The following PDE8A variants were observed in gnomAD, a reference collection of about 807,000 sequenced individuals.
The protein encoded by PDE8A is high affinity cAMP-specific and IBMX-insensitive 3',5'-cyclic phosphodiesterase 8A.
A neutral mutation model predicts 105.0 loss-of-function variants in PDE8A; 59 were observed. The ratio of observed to expected loss-of-function variants is 0.56; its 90% confidence interval spans 0.46 to 0.70. The LOEUF (loss-of-function observed/expected upper bound fraction) is 0.70. PDE8A is among the 30% of genes least tolerant of loss of function. The pLI, the probability that PDE8A is intolerant of heterozygous loss-of-function variation, is 0.00. For missense variants in PDE8A, 1,014 were observed against 1,045.9 expected (o/e 0.97, Z 0.42); for synonymous variants, 355 against 371.9 (o/e 0.95, Z 0.52).
At chr15:85,083,671 TCCAG>T in intron 6 of PDE8A, 27 bp downstream of exon 6, 2 of 1,450,628 alleles carry the variant, frequency 1.4e-6, no homozygotes, top group Non-Finnish European at 1.9e-6. Context: ...TGGAAAGCCC[TCCAG>T]GCCATACAGG....
chr15:85,010,994 T>A (rs577781703), intron 1 of PDE8A, among the ~76,000 whole-genome samples: 9 of 152,340 alleles, frequency 5.9e-5, no homozygotes, highest in South Asian at 4.1e-4. Flanking sequence ...AAATATGTCC[T>A]GGAAGTTAGT....
intron 1 of PDE8A, among the ~76,000 whole-genome samples, chr15:85,052,297 C>G (rs1310127667): frequency 6.6e-6 from 1 of 152,180 alleles, no homozygotes; most frequent in Non-Finnish European, 1.5e-5. Flanking sequence ...GTGCATGTGT[C>G]TTTATAGCAG....
At chr15:85,064,511 A>G (rs1476929719) in intron 2 of PDE8A, 85 bp downstream of exon 2, 3 of 841,194 alleles carry the variant, frequency 3.6e-6, no homozygotes, top group Non-Finnish European at 6.0e-6. Flanking sequence ...CATTTAAAAT[A>G]GTCTTTCATT....
chr15:84,998,967 T>G (rs1320176000), intron 1 of PDE8A, among the ~76,000 whole-genome samples: 1 of 152,118 alleles, frequency 6.6e-6, no homozygotes, highest in Admixed American at 6.5e-5. Context: ...GACACTAATC[T>G]CTAATGAGAT....
At chr15:84,999,551 T>TTTGTTG (rs3077007) in intron 1 of PDE8A, among the ~76,000 whole-genome samples, 13,511 of 150,892 alleles carry the variant, frequency 0.09, 1,617 homozygotes, top group African/African-American at 0.28. Flanking sequence ...GCCTCCCTTT[T>TTTGTTG]TTGTTGTTGT....
At chr15:84,991,150 A>G (rs918704434) in intron 1 of PDE8A, among the ~76,000 whole-genome samples, 4 of 152,244 alleles carry the variant, frequency 2.6e-5, no homozygotes, top group Admixed American at 1.3e-4. Context: ...CATAAAGGAA[A>G]TGGTTGATAA....
At chr15:85,031,635 C>T (rs971641665) in intron 1 of PDE8A, among the ~76,000 whole-genome samples, 21 of 152,078 alleles carry the variant, frequency 1.4e-4, no homozygotes, top group African/African-American at 5.1e-4. Context: ...GTGTGACTGA[C>T]AAGTAGATTA....
chr15:85,134,262 G>A (rs2082370910), intron 20 of PDE8A, among the ~76,000 whole-genome samples: 2 of 152,224 alleles, frequency 1.3e-5, no homozygotes, highest in South Asian at 2.1e-4. Context: ...CTGAGTGGCT[G>A]AGCTAACGGA....
At chr15:85,088,217 G>T (rs1027108886) in intron 6 of PDE8A, among the ~76,000 whole-genome samples, 1 of 152,120 alleles carries the variant, frequency 6.6e-6, no homozygotes, top group Non-Finnish European at 1.5e-5. Flanking sequence ...TAGAGACGGG[G>T]TTTCACCACG....
intron 2 of PDE8A, among the ~76,000 whole-genome samples, chr15:85,065,339 G>C (rs865779904): frequency 1.7e-5 from 2 of 116,500 alleles, no homozygotes; most frequent in Admixed American, 9.2e-5. Context: ...TGGTGGGGAG[G>C]GGGGAGGGGG....
chr15:84,994,461 T>C (rs1003523654), intron 1 of PDE8A, among the ~76,000 whole-genome samples: 6 of 152,254 alleles, frequency 3.9e-5, no homozygotes, highest in Non-Finnish European at 7.3e-5. Flanking sequence ...TCCAGAAGGC[T>C]GCCTTGTGGC....
intron 12 of PDE8A, among the ~76,000 whole-genome samples, chr15:85,109,416 C>G (rs1364517898): frequency 6.6e-6 from 1 of 152,216 alleles, no homozygotes. Flanking sequence ...GTCAGTTCAT[C>G]TGCTATAATT....
At chr15:85,081,541 T>C (rs1198719313) in intron 5 of PDE8A, among the ~76,000 whole-genome samples, 1 of 152,152 alleles carries the variant, frequency 6.6e-6, no homozygotes, top group African/African-American at 2.4e-5. Flanking sequence ...CTAGGATTTG[T>C]AGTCCCAGCC....
chr15:84,984,476 A>G (rs1211384413), intron 1 of PDE8A, among the ~76,000 whole-genome samples: 3 of 152,220 alleles, frequency 2.0e-5, no homozygotes, highest in African/African-American at 4.8e-5. Flanking sequence ...TTATCTCAAG[A>G]TGCAATTTAA....
chr15:85,082,951 G>A (rs772210465), intron 5 of PDE8A, among the ~76,000 whole-genome samples: 2 of 152,188 alleles, frequency 1.3e-5, no homozygotes, highest in African/African-American at 4.8e-5. Flanking sequence ...TAATGTCCAC[G>A]GCTATAAGAG....
chr15:85,028,750 C>T (rs1188765557), intron 1 of PDE8A, among the ~76,000 whole-genome samples: 5 of 151,292 alleles, frequency 3.3e-5, no homozygotes, highest in Non-Finnish European at 7.4e-5. Context: ...TCCCACCCGA[C>T]CCCTCCCGAG....
intron 15 of PDE8A, 182 bp from the exon 16 acceptor site, chr15:85,115,802 T>G: frequency 3.4e-6 from 2 of 580,084 alleles, no homozygotes; most frequent in South Asian, 4.3e-5. Flanking sequence ...GTGCCTGTAA[T>G]CCCACTACTC....
At chr15:84,988,557 C>CT (rs2079839038) in intron 1 of PDE8A, among the ~76,000 whole-genome samples, 1 of 152,034 alleles carries the variant, frequency 6.6e-6, no homozygotes, top group Non-Finnish European at 1.5e-5. Flanking sequence ...TTTTCCTTTC[C>CT]CCTTTCTCCT....
At chr15:85,009,396 G>C (rs1414694284) in intron 1 of PDE8A, among the ~76,000 whole-genome samples, 1 of 152,116 alleles carries the variant, frequency 6.6e-6, no homozygotes, top group Non-Finnish European at 1.5e-5. Flanking sequence ...CCTACACATT[G>C]TTTTCTATGA....
Sources: allele counts gnomAD v4.1 joint callset (sites outside exome capture counted in the v4.1 genomes callset), GRCh38; gene constraint gnomAD v4.1.1; transcripts MANE v1.5; gene names NCBI Gene and HGNC (gene_info 2026-07-23, HGNC 2026-07-21).